DDX60: variants seen among roughly 807,000 people sequenced by gnomAD.
DDX60 encodes probable ATP-dependent RNA helicase DDX60.
DDX60 carries 165 observed loss-of-function variants against 212.8 expected under a neutral mutation model. The ratio of observed to expected loss-of-function variants is 0.78; its 90% CI spans 0.68 to 0.88. The LOEUF (loss-of-function observed/expected upper bound fraction) is 0.88, where lower values mean the gene tolerates loss of function less well. Ranked by LOEUF, DDX60 falls within the 40% of genes least tolerant of loss-of-function variation. The pLI, the probability that DDX60 is intolerant of heterozygous loss-of-function variation, is 0.00. For synonymous variants in DDX60, 703 were observed against 685.3 expected, an observed-to-expected ratio of 1.03 and a Z score of -0.40; for missense variants, 1,905 against 2,003.9, an observed-to-expected ratio of 0.95 and a Z score of 0.94.
At chr4:168,246,337 A>G (rs1734020874) in intron 30 of DDX60, 81 bp downstream of exon 30, 2 of 1,532,894 alleles carry the variant, frequency 1.3e-6, no homozygotes, top group African/African-American at 1.4e-5. Flanking sequence ...TGATTGCTAC[A>G]GACTTCTAAA....
chr4:168,291,801 C>G lies in DDX60; in HGVS notation c.988G>C (p.Ala330Pro). The change falls in exon 8 of 38, where the codon GCT becomes CCT. Residue 330 changes from alanine to proline, a missense_variant. Transcript: ENST00000393743. ...GCCCAATGGGAAGTGATGACTCTAG[C>G]ACAAGCTCTTTGAGAAAGAGGCAGA... is the stretch of plus-strand genomic sequence containing the variant. The part of the protein sequence containing the change: ...LHLPLSQRAC[A>P]RVITSHWAED... 1 of 1,613,654 alleles carries G rather than the reference C, an allele frequency of 6.2e-7. No individual in the cohort carries two copies. The highest frequency in any genetic ancestry group is 1.1e-5 in the South Asian group (1 of 91,006).
At chr4:168,258,143 T>TCTGTAACTTTC (rs11272772) in intron 25 of DDX60, among the ~76,000 whole-genome samples, 6 of 152,202 alleles carry the variant, frequency 3.9e-5, no homozygotes, top group Non-Finnish European at 8.8e-5. Flanking sequence ...CATCCTGGTA[T>TCTGTAACTTTC]ACAAGAATGA....
At chr4:168,264,213 A>G (rs565031971) in intron 22 of DDX60, among the ~76,000 whole-genome samples, 20 of 152,314 alleles carry the variant, frequency 1.3e-4, no homozygotes, top group African/African-American at 4.8e-4. Context: ...ATGAAAATAC[A>G]ATATTTTTAC....
Position 168,236,279 on chromosome 4 carries a change from A to G in DDX60, c.4506T>C (p.Asp1502=). The G allele has an allele frequency of 1.2e-6, 2 of 1,611,086 alleles. No individual in the cohort carries two copies. The highest frequency in any genetic ancestry group is 1.1e-5 in the South Asian group (1 of 90,826). Residue 1502 remains aspartate, a synonymous_variant, in exon 33 of 38, where the codon GAT becomes GAC. Coordinates refer to ENST00000393743, the MANE Select transcript of DDX60 (RefSeq NM_017631.6). The part of the protein sequence containing the change: ...GRRYFPPKFQ[D]AHFEFYQSKV... ...TTGATTGATAAAACTCGAAGTGTGC[A>G]TCTTGGAACTTTGGTGGAAAATATC...
intron 26 of DDX60, 133 bp downstream of exon 26, chr4:168,255,578 T>C (rs1047813798): frequency 4.3e-6 from 3 of 692,814 alleles, no homozygotes; most frequent in Non-Finnish European, 6.7e-6. Flanking sequence ...CTCACCCAAA[T>C]GTACTCAATT....
At chr4:168,275,830 G>A (rs1211042963) in intron 15 of DDX60, among the ~76,000 whole-genome samples, 185 bp downstream of exon 15, 2 of 151,594 alleles carry the variant, frequency 1.3e-5, no homozygotes, top group South Asian at 2.1e-4. Context: ...TGTTTGTCCA[G>A]GTAAGCATTT....
chr4:168,228,109 G>A (rs1448990470), intron 33 of DDX60, among the ~76,000 whole-genome samples: 1 of 152,050 alleles, frequency 6.6e-6, no homozygotes, highest in African/African-American at 2.4e-5. Context: ...ACAGCCTATT[G>A]GTCCTAGGCT....
At chr4:168,239,341 G>C (rs1454640977) in intron 30 of DDX60, among the ~76,000 whole-genome samples, 1 of 151,836 alleles carries the variant, frequency 6.6e-6, no homozygotes, top group Non-Finnish European at 1.5e-5. Flanking sequence ...TAGAAAGGTA[G>C]GTAGATAGCA....
At chr4:168,274,787 C>T (rs889450190) in intron 16 of DDX60, among the ~76,000 whole-genome samples, 18 of 152,268 alleles carry the variant, frequency 1.2e-4, no homozygotes, top group Non-Finnish European at 1.9e-4. Flanking sequence ...AGGGGGCAGT[C>T]TATTAGACTG....
intron 13 of DDX60, 94 bp from the exon 14 acceptor site, chr4:168,280,684 C>T: frequency 7.4e-7 from 1 of 1,352,214 alleles, no homozygotes; most frequent in Middle Eastern, 2.6e-4. Context: ...GTATTGAAGA[C>T]TTTGACCATC....
chr4:168,238,981 A>G (rs1733738646), intron 30 of DDX60, among the ~76,000 whole-genome samples: 1 of 152,162 alleles, frequency 6.6e-6, no homozygotes, highest in African/African-American at 2.4e-5. Context: ...GATAGAGTGA[A>G]GCCAGAAGAA....
At chr4:168,309,316 A>G (rs2149552464) in intron 3 of DDX60, among the ~76,000 whole-genome samples, 1 of 152,330 alleles carries the variant, frequency 6.6e-6, no homozygotes, top group African/African-American at 2.4e-5. Flanking sequence ...AAGCAGAGAA[A>G]GTCATGACAT....
chr4:168,297,366 GAAA>G (rs1736432244), intron 6 of DDX60, among the ~76,000 whole-genome samples: 1 of 54,112 alleles, frequency 1.8e-5, no homozygotes, highest in East Asian at 3.3e-4. Context: ...AAGAAAGAAA[GAAA>G]GAAAGAAAGA....
At chr4:168,229,720 CT>C (rs1329705720) in intron 33 of DDX60, among the ~76,000 whole-genome samples, 1 of 152,000 alleles carries the variant, frequency 6.6e-6, no homozygotes, top group Non-Finnish European at 1.5e-5. Context: ...GGAGCTCTAA[CT>C]CTTGAAACAA....
intron 6 of DDX60, among the ~76,000 whole-genome samples, chr4:168,295,436 C>T (rs1341448012): frequency 6.6e-6 from 1 of 152,230 alleles, no homozygotes; most frequent in Non-Finnish European, 1.5e-5. Flanking sequence ...TCATACACTG[C>T]TGAGCGTTCA....
At chr4:168,222,153 C>T (rs78445391) in intron 35 of DDX60, among the ~76,000 whole-genome samples, 522 of 152,144 alleles carry the variant, frequency 3.4e-3, no homozygotes, top group African/African-American at 0.011. Flanking sequence ...GAAACACTCA[C>T]TAGGAAAGAA....
chr4:168,227,022 T>C (rs930331264), intron 33 of DDX60, among the ~76,000 whole-genome samples: 1 of 152,088 alleles, frequency 6.6e-6, no homozygotes, highest in African/African-American at 2.4e-5. Flanking sequence ...TGCTACATTA[T>C]AGCAGCCCAA....
At chr4:168,233,981 G>C (rs539578331) in intron 33 of DDX60, among the ~76,000 whole-genome samples, 1 of 152,178 alleles carries the variant, frequency 6.6e-6, no homozygotes, top group African/African-American at 2.4e-5. Context: ...GTTTATATAT[G>C]TATATATCAA....
At chr4:168,240,311 G>A (rs185639256) in intron 30 of DDX60, among the ~76,000 whole-genome samples, 3 of 152,254 alleles carry the variant, frequency 2.0e-5, no homozygotes, top group Admixed American at 1.3e-4. Flanking sequence ...ACTGCTCAAG[G>A]ATATCAGAGA....
Sources: allele counts gnomAD v4.1 joint callset (sites outside exome capture counted in the v4.1 genomes callset), GRCh38; gene constraint gnomAD v4.1.1; transcripts MANE v1.5; gene names NCBI Gene and HGNC (gene_info 2026-07-23, HGNC 2026-07-21).